The following KNDC1 variants were observed in gnomAD, a reference collection of about 807,000 sequenced individuals.
The protein encoded by KNDC1 is kinase non-catalytic C-lobe domain-containing protein 1.
A neutral mutation model predicts 172.8 loss-of-function variants in KNDC1; 106 were observed. The observed-to-expected ratio is 0.61, with a 90% CI of 0.52 to 0.72. The LOEUF (loss-of-function observed/expected upper bound fraction) is 0.72, where lower values mean the gene tolerates loss of function less well. KNDC1 is among the 30% of genes least tolerant of loss of function. The probability of loss-of-function intolerance (pLI) is 0.00; values close to 1 mark genes in which losing one functional copy is unlikely to be tolerated. For synonymous variants in KNDC1, 1,083 were observed against 1,062.2 expected (o/e 1.02, Z -0.38); for missense variants, 2,325 against 2,394.5 (o/e 0.97, Z 0.61).
chr10:133,172,958 AC>A (rs1169866515), intron 3 of KNDC1, among the ~76,000 whole-genome samples: 1 of 152,076 alleles, frequency 6.6e-6, no homozygotes, highest in Non-Finnish European at 1.5e-5. Context: ...AGCCATGATT[AC>A]CCCACTGCAC....
chr10:133,189,920 C>A, intron 9 of KNDC1, 107 bp downstream of exon 9: 3 of 984,554 alleles, frequency 3.0e-6, no homozygotes, highest in Non-Finnish European at 4.7e-6. Context: ...GGAGTCAGGG[C>A]AGCCCTTCCT....
At chr10:133,181,135 T>A (rs1292692656) in intron 3 of KNDC1, among the ~76,000 whole-genome samples, 3 of 150,786 alleles carry the variant, frequency 2.0e-5, no homozygotes, top group African/African-American at 7.3e-5. Flanking sequence ...GGGCACCCAC[T>A]GACGCCACAT....
rs1845270139 is a variant in KNDC1, at chr10:133,208,494, CCAACCCCG to C, written c.3794+1144_3794+1151del. On this transcript the variant is annotated intron_variant, in intron 20 of 29. Coordinates refer to ENST00000304613, the MANE Select transcript of KNDC1 (RefSeq NM_152643.8). ...ACCCTCTAGAGAGGGACGTGGGCCCCCAACCCCGTTACCCCAAGGACCCTCTAGAGAGG... is the reference window on the plus strand; with the variant it reads ...ACCCTCTAGAGAGGGACGTGGGCCCCTTACCCCAAGGACCCTCTAGAGAGG... Among the ~76,000 whole-genome samples, 4 of 63,316 alleles carry C rather than the reference CCAACCCCG, an allele frequency of 6.3e-5. 1 individual carries two copies. Among genetic ancestry groups the C allele is most frequent in the African/African-American group, 6.8e-5 (1 of 14,648 alleles). The allele number at this position is 63,316 out of a possible 152,430, so 41.5% of individuals were successfully genotyped here. A position where few individuals can be genotyped will look rare whatever the true frequency, so the allele number is the denominator to read the frequency against.
At chr10:133,207,036 C>A in intron 19 of KNDC1, 83 bp downstream of exon 19, 1 of 1,540,532 alleles carries the variant, frequency 6.5e-7, no homozygotes. Context: ...GTAAATCTGT[C>A]CGTGTGAAGT....
At chr10:133,175,476 A>G (rs1442570074) in intron 3 of KNDC1, among the ~76,000 whole-genome samples, 1 of 144,812 alleles carries the variant, frequency 6.9e-6, no homozygotes, top group Non-Finnish European at 1.5e-5. Flanking sequence ...GAACAGGTGG[A>G]TGGGTGGATA....
chr10:133,186,733 G>A (rs1020652828), intron 6 of KNDC1, 59 bp downstream of exon 6: 39 of 1,254,770 alleles, frequency 3.1e-5, no homozygotes, highest in South Asian at 1.3e-4. Context: ...GTCCGGGGCC[G>A]GGCCTCTCCA....
rs769307370 is a variant in KNDC1, at chr10:133,210,732, G to C, written c.3908+8G>C. The C allele has an allele frequency of 6.3e-7, 1 of 1,591,560 alleles. No homozygotes were observed. Among genetic ancestry groups the C allele is most frequent in the African/African-American group, 1.3e-5 (1 of 74,538 alleles). ...CAACAGCACGCTGACCAGGTACCAA[G>C]CTCCACAGCTCCACGCCCGCCAGAG... On this transcript the variant is annotated splice_region_variant and intron_variant, in intron 21 of 29. Coordinates refer to ENST00000304613, the MANE Select transcript of KNDC1 (RefSeq NM_152643.8).
intron 1 of KNDC1, among the ~76,000 whole-genome samples, chr10:133,164,908 G>A (rs1381219853): frequency 6.6e-6 from 1 of 151,074 alleles, no homozygotes; most frequent in Non-Finnish European, 1.5e-5. Context: ...GGCCTCTTAG[G>A]CCTGTCTGAC....
chr10:133,198,967 C>T lies in KNDC1; in HGVS notation c.2459C>T (p.Thr820Met), dbSNP rs200652032. The change falls in exon 14 of 30, where the codon ACG becomes ATG. Residue 820 changes from threonine (T) to methionine (M), a missense_variant. Coordinates refer to ENST00000304613, the MANE Select transcript of KNDC1 (RefSeq NM_152643.8). The part of the protein sequence containing the change: ...GLRPDALGPT[T>M]AHHGPRHPPK... ...AGGCCCGACGCCCTGGGGCCCACCACGGCCCACCACGGCCCACGCCACCCG... is the reference window on the plus strand; with the variant it reads ...AGGCCCGACGCCCTGGGGCCCACCATGGCCCACCACGGCCCACGCCACCCG... 4.3e-4 allele frequency: 667 copies of T among 1,539,246 alleles called. No homozygotes were observed. Among genetic ancestry groups the T allele is most frequent in the Admixed American group, 1.1e-3 (54 of 50,356 alleles).
rs753532335 is a variant in KNDC1 at position 133,198,832 on chromosome 10, C to T, written c.2324C>T (p.Ser775Leu). 12 of 1,598,444 alleles carry T rather than the reference C, an allele frequency of 7.5e-6. No homozygotes were observed. The highest frequency in any genetic ancestry group is 3.4e-4 in the Middle Eastern group (2 of 5,946). ...APANQPEGASSAAPGSPVPAP... is the reference protein window; with the variant it reads ...APANQPEGASLAAPGSPVPAP... ...GCAAACCAGCCAGAGGGGGCCTCATCGGCAGCTCCCGGCTCTCCAGTCCCC... is the reference window on the plus strand; with the variant it reads ...GCAAACCAGCCAGAGGGGGCCTCATTGGCAGCTCCCGGCTCTCCAGTCCCC... Residue 775 changes from serine (S) to leucine (L), a missense_variant, in exon 14 of 30, where the codon TCG becomes TTG. Transcript: ENST00000304613.
At chr10:133,206,259 G>A (rs543168622) in intron 17 of KNDC1, among the ~76,000 whole-genome samples, 17 of 152,238 alleles carry the variant, frequency 1.1e-4, no homozygotes, top group Non-Finnish European at 2.4e-4. Flanking sequence ...GAAGACACAC[G>A]GGATGCACGT....
At chr10:133,162,877 G>A (rs1591211319) in intron 1 of KNDC1, among the ~76,000 whole-genome samples, 1 of 152,272 alleles carries the variant, frequency 6.6e-6, no homozygotes, top group Non-Finnish European at 1.5e-5. Context: ...GGCCGTGCGT[G>A]TGTGAGAACA....
intron 15 of KNDC1, 149 bp from the exon 16 acceptor site, chr10:133,200,226 G>A: frequency 3.7e-6 from 2 of 538,580 alleles, no homozygotes; most frequent in Admixed American, 4.0e-5. Flanking sequence ...GTCGGCTGCT[G>A]TGCCCCTTAG....
At position 133,199,715 on chromosome 10, in the gene KNDC1, C is replaced by G. The variant is rs1031697348; in HGVS notation, c.2903+113C>G. 2.3e-5 allele frequency: 28 copies of G among 1,236,812 alleles called. 1 individual carries two copies. Among genetic ancestry groups the G allele is most frequent in the Admixed American group, 6.3e-5 (3 of 47,412 alleles). 76.6% of individuals were successfully genotyped at this position (1,236,812 alleles called of 1,614,324 possible). On this transcript the variant is annotated intron_variant, in intron 15 of 29. Transcript: ENST00000304613. ...CCCTCCCAACCCTCCGCTTCCATCT[C>G]GCTGCTGTCTCCAGAGGGGCTACCC...
At chr10:133,199,329 C>T (rs1372238735) in intron 14 of KNDC1, 63 bp downstream of exon 14, 15 of 1,548,452 alleles carry the variant, frequency 9.7e-6, no homozygotes, top group Middle Eastern at 1.7e-4. Flanking sequence ...ACAGGGGACT[C>T]GGGGCCGCCC....
At chr10:133,199,726 C>G in intron 15 of KNDC1, 124 bp downstream of exon 15, 4 of 1,121,812 alleles carry the variant, frequency 3.6e-6, no homozygotes, top group South Asian at 1.5e-5. Context: ...GCTGCTGTCT[C>G]CAGAGGGGCT....
chr10:133,161,852 GC>G (rs1852982555), intron 1 of KNDC1, among the ~76,000 whole-genome samples: 2 of 152,204 alleles, frequency 1.3e-5, no homozygotes, highest in African/African-American at 4.8e-5. Context: ...TGCATCAGAG[GC>G]CTGAGCCTTG....
At chr10:133,184,658 G>T (rs1041894315) in intron 5 of KNDC1, among the ~76,000 whole-genome samples, 1 of 152,068 alleles carries the variant, frequency 6.6e-6, no homozygotes, top group Non-Finnish European at 1.5e-5. Flanking sequence ...AAACATGCTG[G>T]TCCTATGCAC....
chr10:133,168,316 AGTGCAGGTGGGGGTAAT>A lies in KNDC1; in HGVS notation c.360+9_360+25del, dbSNP rs1853250148. 1.2e-6 allele frequency: 2 copies of A among 1,613,814 alleles called. No homozygotes were observed. Among genetic ancestry groups the A allele is most frequent in the Non-Finnish European group, 1.7e-6 (2 of 1,179,820 alleles). ...CGTGACCGGGAACACCTTTGAGGTA[AGTGCAGGTGGGGGTAAT>A]GTGCCACACCCCCCTTTTACCTCTA... On this transcript the variant is annotated splice_donor_5th_base_variant and intron_variant, in intron 3 of 29. Transcript: ENST00000304613.
Sources: allele counts gnomAD v4.1 joint callset (sites outside exome capture counted in the v4.1 genomes callset), GRCh38; gene constraint gnomAD v4.1.1; transcripts MANE v1.5; gene names NCBI Gene and HGNC (gene_info 2026-07-23, HGNC 2026-07-21).